MRGPRX2: variants seen among roughly 807,000 people sequenced by gnomAD.
MRGPRX2 encodes MAS related GPR family member X2.
For missense variants in MRGPRX2, 389 were observed against 404.5 expected (o/e 0.96, Z 0.33); for synonymous variants, 183 against 175.6 (o/e 1.04, Z -0.33).
At position 19,055,269 on chromosome 11, in the gene MRGPRX2, G is replaced by T; in HGVS notation, c.*141C>A. The T allele has an allele frequency of 3.6e-6, 3 of 828,722 alleles. No homozygotes were observed. Among genetic ancestry groups the T allele is most frequent in the Admixed American group, 2.7e-5 (1 of 36,758 alleles). The allele number at this position is 828,722 out of a possible 1,614,324, so 51.3% of individuals were successfully genotyped here. ...ACTGCACTTAGTGTTTGTTTCATAG[G>T]CACTGTCTCACTTAATCCTCACAAG... On this transcript the variant is annotated 3_prime_UTR_variant, in exon 2 of 2. Coordinates refer to ENST00000329773, the MANE Select transcript of MRGPRX2 (RefSeq NM_054030.4).
intron 1 of MRGPRX2, among the ~76,000 whole-genome samples, chr11:19,056,883 G>A (rs1183506170): frequency 6.6e-6 from 1 of 152,202 alleles, no homozygotes; most frequent in East Asian, 1.9e-4. Flanking sequence ...TCCATCAACA[G>A]TCAGAATGGA....
At position 19,056,387 on chromosome 11, in the gene MRGPRX2, G is replaced by A. The variant is rs564709381; in HGVS notation, c.16C>T (p.Pro6Ser). Residue 6 changes from proline (P) to serine (S), a missense_variant, in exon 2 of 2, where the codon CCG becomes TCG. By Grantham distance (74) the Pro-to-Ser change is moderately conservative. Coordinates refer to ENST00000329773, the MANE Select transcript of MRGPRX2 (RefSeq NM_054030.4). The part of the protein sequence containing the change: MDPTT[P>S]AWGTESTTVN... ...GTTGTACTTTCTGTTCCCCAGGCCG[G>A]GGTGGTTGGATCCATGCTCAGAAAA... is the stretch of plus-strand genomic sequence containing the variant. 2 of 1,610,946 alleles carry A rather than the reference G, an allele frequency of 1.2e-6. No individual in the cohort carries two copies. The highest frequency in any genetic ancestry group is 1.3e-5 in the African/African-American group (1 of 74,854).
At chr11:19,058,026 G>A (rs1389018870) in intron 1 of MRGPRX2, among the ~76,000 whole-genome samples, 1 of 152,156 alleles carries the variant, frequency 6.6e-6, no homozygotes. Flanking sequence ...ATCCAAAATG[G>A]AATGTCGAAA....
At chr11:19,057,519 G>A (rs1446737688) in intron 1 of MRGPRX2, among the ~76,000 whole-genome samples, 2 of 152,198 alleles carry the variant, frequency 1.3e-5, no homozygotes, top group African/African-American at 4.8e-5. Context: ...GTTGTGGTAT[G>A]AATACATCTA....
At chr11:19,057,565 C>T (rs183109219) in intron 1 of MRGPRX2, among the ~76,000 whole-genome samples, 3 of 152,250 alleles carry the variant, frequency 2.0e-5, no homozygotes, top group Admixed American at 1.3e-4. Flanking sequence ...TGATTTTGAG[C>T]TTTCTTTGCA....
Position 19,054,472 on chromosome 11 carries a change from A to C in MRGPRX2, c.*938T>G, listed in dbSNP as rs1214726312. On this transcript the variant is annotated 3_prime_UTR_variant, in exon 2 of 2. Coordinates refer to ENST00000329773, the MANE Select transcript of MRGPRX2 (RefSeq NM_054030.4). Reference sequence around the variant, plus strand: ...ATGCAGCATTTACAATTAGTATTTTATTCTGTGGAACACGTAACTTTTAAA... The same window carrying C: ...ATGCAGCATTTACAATTAGTATTTTCTTCTGTGGAACACGTAACTTTTAAA... 6.6e-6 allele frequency: 1 copy of C among 152,260 alleles called. No individual in the cohort carries two copies. Among genetic ancestry groups the C allele is most frequent in the Non-Finnish European group, 1.5e-5 (1 of 68,040 alleles). 9.4% of individuals were successfully genotyped at this position (152,260 alleles called of 1,614,324 possible). A position where few individuals can be genotyped will look rare whatever the true frequency, so the allele number is the denominator to read the frequency against.
rs1306419026 is a variant in MRGPRX2 at position 19,055,730 on chromosome 11, T to C, written c.673A>G (p.Ile225Val). 2 of 1,614,148 alleles carry C rather than the reference T, an allele frequency of 1.2e-6. No individual in the cohort carries two copies. The highest frequency in any genetic ancestry group is 1.7e-6 in the Non-Finnish European group (2 of 1,180,026). Residue 225 changes from isoleucine (I) to valine (V), a missense_variant, in exon 2 of 2, where the codon ATC (isoleucine) becomes GTC (valine). Transcript: ENST00000329773. ...GLPLTRLYLT[I>V]LLTVLVFLLC... ...AGGAACACCAGCACTGTGAGCAGGA[T>C]GGTCAGGTACAGCCTGGTCAGTGGC...
Position 19,056,336 on chromosome 11 carries a change from G to A in MRGPRX2, c.67C>T (p.Leu23Phe). Reference protein sequence around the residue: ...TTVNGNDQALLLLCGKETLIP... With the variant: ...TTVNGNDQALFLLCGKETLIP... ...AGGGTCTCCTTGCCACAAAGCAGAA[G>A]AAGGGCTTGGTCATTTCCATTCACT... The change falls in exon 2 of 2, where the codon CTT (leucine) becomes TTT (phenylalanine). Residue 23 changes from leucine (L) to phenylalanine (F), a missense_variant. Coordinates refer to ENST00000329773, the MANE Select transcript of MRGPRX2 (RefSeq NM_054030.4). 1 of 1,614,170 alleles carries A rather than the reference G, an allele frequency of 6.2e-7. No homozygotes were observed. Among genetic ancestry groups the A allele is most frequent in the Non-Finnish European group, 8.5e-7 (1 of 1,180,022 alleles).
rs530355228 is a variant in MRGPRX2 at position 19,055,439 on chromosome 11, G to T, written c.964C>A (p.Pro322Thr). The change falls in exon 2 of 2, where the codon CCG becomes ACG. Residue 322 changes from proline to threonine, a missense_variant. Transcript: ENST00000329773. ...HSEGCFRQGTPEMSRSSLV is the reference protein window; with the variant it reads ...HSEGCFRQGTTEMSRSSLV ...ACCAGACTGCTTCTCGACATCTCCG[G>T]GGTGCCCTGACGGAAGCATCCTTCA... The T allele has an allele frequency of 5.0e-6, 8 of 1,609,414 alleles. No homozygotes were observed. The highest frequency in any genetic ancestry group is 1.3e-5 in the African/African-American group (1 of 74,810).
At position 19,055,577 on chromosome 11, in the gene MRGPRX2, G is replaced by T; in HGVS notation, c.826C>A (p.Pro276Thr). ...VLSSLNSSAN[P>T]IIYFFVGSFR... ...GAGCCCACGAAGAAGTAAATGATGG[G>T]GTTGGCACTGCTGTTAAGAGATGAC... The change falls in exon 2 of 2, where the codon CCC becomes ACC. Residue 276 changes from proline (P) to threonine (T), a missense_variant. Pro to Thr is a conservative substitution (Grantham distance 38). Transcript: ENST00000329773. 1 of 1,614,138 alleles carries T rather than the reference G, an allele frequency of 6.2e-7. No individual in the cohort carries two copies. Among genetic ancestry groups the T allele is most frequent in the Non-Finnish European group, 8.5e-7 (1 of 1,180,038 alleles).
In MRGPRX2 at chr11:19,055,166, AAC is replaced by A. The variant is rs1849600754; in HGVS notation, c.*242_*243del. The stretch of plus-strand genomic sequence containing the variant: ...AAAGGTAGGATTCATTAAAAGTGGG[AAC>A]AGTCATGGACCGCAGAGTTGGCAAA... On this transcript the variant is annotated 3_prime_UTR_variant, in exon 2 of 2. Coordinates refer to ENST00000329773, the MANE Select transcript of MRGPRX2 (RefSeq NM_054030.4). 4.7e-6 allele frequency: 2 copies of A among 421,184 alleles called. No individual in the cohort carries two copies. The highest frequency in any genetic ancestry group is 3.8e-5 in the Admixed American group (1 of 26,470). The allele number at this position is 421,184 out of a possible 1,614,324, so 26.1% of individuals were successfully genotyped here.
chr11:19,059,470 C>T (rs568525697), intron 1 of MRGPRX2, among the ~76,000 whole-genome samples: 1 of 152,154 alleles, frequency 6.6e-6, no homozygotes, highest in Non-Finnish European at 1.5e-5. Context: ...TTACATTACA[C>T]ATACCTGTGT....
At position 19,055,450 on chromosome 11, in the gene MRGPRX2, C is replaced by T. The variant is rs771449937; in HGVS notation, c.953G>A (p.Arg318His). 30 of 1,610,772 alleles carry T rather than the reference C, an allele frequency of 1.9e-5. No homozygotes were observed. In the East Asian group the frequency reaches 4.9e-4, roughly 26 times the overall value. Residue 318 changes from arginine to histidine, a missense_variant, in exon 2 of 2, where the codon CGT becomes CAT. Transcript: ENST00000329773. ...AEVDHSEGCF[R>H]QGTPEMSRSS... ...TCTCGACATCTCCGGGGTGCCCTGA[C>T]GGAAGCATCCTTCACTGTGATCCAC...
Position 19,055,973 on chromosome 11 carries a change from G to A in MRGPRX2, c.430C>T (p.His144Tyr), listed in dbSNP as rs374381160. 4.3e-6 allele frequency: 7 copies of A among 1,614,094 alleles called. No homozygotes were observed. The African/African-American group carries it at 9.3e-5, about 22-fold the overall frequency. Reference sequence around the variant, plus strand: ...AGGACACACACGACCGCTGACAGGTGTCTGGGGCGGCGGCAGCGATACCAG... The same window carrying A: ...AGGACACACACGACCGCTGACAGGTATCTGGGGCGGCGGCAGCGATACCAG... ...PIWYRCRRPR[H>Y]LSAVVCVLLW... Residue 144 changes from histidine to tyrosine, a missense_variant, in exon 2 of 2, where the codon CAC (histidine) becomes TAC (tyrosine). Physicochemically the swap from His to Tyr is moderately conservative, Grantham distance 83. Transcript: ENST00000329773.
At chr11:19,057,844 T>C (rs1376254203) in intron 1 of MRGPRX2, among the ~76,000 whole-genome samples, 1 of 152,216 alleles carries the variant, frequency 6.6e-6, no homozygotes. Flanking sequence ...AAAGCACAAA[T>C]GTATTGAGTA....
intron 1 of MRGPRX2, among the ~76,000 whole-genome samples, chr11:19,058,706 G>C (rs575355949): frequency 2.6e-5 from 4 of 152,152 alleles, no homozygotes; most frequent in African/African-American, 9.6e-5. Context: ...GATTACAGGC[G>C]TGAGCCACCG....
chr11:19,056,305 G>A lies in MRGPRX2; in HGVS notation c.98C>T (p.Pro33Leu), dbSNP rs759643435. The A allele has an allele frequency of 2.6e-5, 42 of 1,614,052 alleles. No homozygotes were observed. The highest frequency in any genetic ancestry group is 3.4e-5 in the Non-Finnish European group (40 of 1,180,028). The change falls in exon 2 of 2, where the codon CCG (proline) becomes CTG (leucine). Residue 33 changes from proline (P) to leucine (L), a missense_variant. Physicochemically the swap from Pro to Leu is moderately conservative, Grantham distance 98 (BLOSUM62 -3). Transcript: ENST00000329773. ...LLLCGKETLI[P>L]VFLILFIALV... ...GGCAATGAAAAGGATCAGGAAGACC[G>A]GGATCAGGGTCTCCTTGCCACAAAG...
At chr11:19,057,975 C>T (rs977124315) in intron 1 of MRGPRX2, among the ~76,000 whole-genome samples, 6 of 152,152 alleles carry the variant, frequency 3.9e-5, no homozygotes, top group Non-Finnish European at 8.8e-5. Context: ...ACCAACTACA[C>T]ATGAAGAAAG....
rs542994968 is a variant in MRGPRX2 at position 19,055,833 on chromosome 11, C to T, written c.570G>A (p.Trp190Ter). ...CQTFDFITAA[W>*]LIFLFMVLCG... Reference sequence around the variant, plus strand: ...AGAGAACCATGAATAAAAAAATCAGCCACGCTGCAGTGATGAAATCAAATG... The same window carrying T: ...AGAGAACCATGAATAAAAAAATCAGTCACGCTGCAGTGATGAAATCAAATG... Residue 190 changes from tryptophan to a stop codon, truncating the protein, a stop_gained, in exon 2 of 2, where the codon TGG becomes TGA. Transcript: ENST00000329773. LOFTEE classifies it low-confidence loss of function (END_TRUNC). 4.3e-6 allele frequency: 7 copies of T among 1,614,114 alleles called. No homozygotes were observed. In the East Asian group the frequency reaches 1.6e-4, roughly 36 times the overall value.
Sources: gnomAD v4.1 joint callset for allele counts (sites outside exome capture counted in the v4.1 genomes callset) on GRCh38, gnomAD v4.1.1 for gene constraint, MANE v1.5 for transcripts, NCBI Gene and HGNC (gene_info 2026-07-23, HGNC 2026-07-21) for gene names.